The following CACNA1E variants were observed in gnomAD, a reference collection of about 807,000 sequenced individuals.
The protein encoded by CACNA1E is calcium voltage-gated channel subunit alpha1 E, also known as voltage-dependent R-type calcium channel subunit alpha-1E.
Under a neutral mutation model 259.2 loss-of-function variants are expected in CACNA1E, and 40 were observed. That is an observed-to-expected ratio of 0.15 (90% CI 0.12 to 0.20). The LOEUF (loss-of-function observed/expected upper bound fraction) is 0.20, where lower values mean the gene tolerates loss of function less well. Ranked by LOEUF, CACNA1E falls within the 10% of genes least tolerant of loss-of-function variation. The pLI is 1.00. For missense variants in CACNA1E, 1,874 were observed against 3,040.1 expected (o/e 0.62, Z 9.02); for synonymous variants, 1,104 against 1,138.5 (o/e 0.97, Z 0.61).
intron 3 of CACNA1E, among the ~76,000 whole-genome samples, chr1:181,520,773 A>G (rs1419113602): frequency 6.6e-6 from 1 of 152,212 alleles, no homozygotes; most frequent in Non-Finnish European, 1.5e-5. Flanking sequence ...GTAAAAGTTG[A>G]AACAAAGGCC....
chr1:181,766,796 T>G (rs527561540), intron 35 of CACNA1E, among the ~76,000 whole-genome samples, 185 bp downstream of exon 35: 2 of 152,310 alleles, frequency 1.3e-5, no homozygotes, highest in South Asian at 2.1e-4. Context: ...CCATTTTAGC[T>G]TGCCTAAGTA....
At chr1:181,463,342 T>C (rs1442114488) in intron 2 of CACNA1E, among the ~76,000 whole-genome samples, 1 of 152,094 alleles carries the variant, frequency 6.6e-6, no homozygotes, top group Non-Finnish European at 1.5e-5. Flanking sequence ...TGACTGAGGG[T>C]AATGGAAAGT....
chr1:181,417,966 A>ATT (rs1028942370), intron 2 of CACNA1E, among the ~76,000 whole-genome samples: 1 of 149,848 alleles, frequency 6.7e-6, no homozygotes, highest in Non-Finnish European at 1.5e-5. Context: ...TTCTGTCTCC[A>ATT]TTTTTTTTTC....
At chr1:181,510,684 G>T in intron 2 of CACNA1E, 102 bp downstream of exon 2, 2 of 766,192 alleles carry the variant, frequency 2.6e-6, no homozygotes, top group South Asian at 3.1e-5. Context: ...TGTGAGTTCT[G>T]GGAGGAGTTT....
intron 43 of CACNA1E, among the ~76,000 whole-genome samples, chr1:181,788,998 G>A (rs564311917): frequency 1.3e-5 from 2 of 151,262 alleles, no homozygotes; most frequent in South Asian, 4.2e-4. Context: ...CTGTGCAGCT[G>A]GGACCACCCC....
chr1:181,493,755 A>G (rs1664509084), intron 1 of CACNA1E, among the ~76,000 whole-genome samples: 1 of 152,222 alleles, frequency 6.6e-6, no homozygotes. Context: ...TTAAATAGCC[A>G]CATATGGCTA....
rs114123860 is a variant in CACNA1E at position 181,475,778 on chromosome 1, C to T, written c.435-7966C>T. Reference sequence around the variant, plus strand: ...GCTTGCTTTGAAGGATTTACAATGACGTCACTTTTACACATATTGAGTCTG... The same window carrying T: ...GCTTGCTTTGAAGGATTTACAATGATGTCACTTTTACACATATTGAGTCTG... On this transcript the variant is annotated intron_variant, in intron 2 of 11. Coordinates refer to the CACNA1E transcript ENST00000524607. Among the ~76,000 whole-genome samples the T allele has an allele frequency of 5.8e-3, 883 of 152,220 alleles. 10 individuals carry two copies. Among genetic ancestry groups the T allele is most frequent in the African/African-American group, 0.02 (829 of 41,526 alleles).
At chr1:181,642,401 A>G (rs568451848) in intron 6 of CACNA1E, among the ~76,000 whole-genome samples, 5 of 152,276 alleles carry the variant, frequency 3.3e-5, no homozygotes, top group African/African-American at 9.6e-5. Flanking sequence ...ACCATAGGAC[A>G]AAGTGGAGAA....
At chr1:181,431,233 C>T (rs1385284196) in intron 2 of CACNA1E, among the ~76,000 whole-genome samples, 1 of 152,024 alleles carries the variant, frequency 6.6e-6, no homozygotes, top group Non-Finnish European at 1.5e-5. Flanking sequence ...GCTGAAATTG[C>T]GGAGTGAGTT....
intron 1 of CACNA1E, among the ~76,000 whole-genome samples, chr1:181,490,312 C>T (rs979156487): frequency 6.6e-6 from 1 of 152,022 alleles, no homozygotes; most frequent in African/African-American, 2.4e-5. Flanking sequence ...TAGGAGCTTC[C>T]TTTATTGTAT....
At chr1:181,441,014 A>T (rs1223634674) in intron 2 of CACNA1E, among the ~76,000 whole-genome samples, 1 of 134,744 alleles carries the variant, frequency 7.4e-6, no homozygotes, top group Non-Finnish European at 1.6e-5. Context: ...AAAAAAAAAA[A>T]AAAAAGCGCC....
chr1:181,453,231 G>A lies in CACNA1E; in HGVS notation c.435-30513G>A, dbSNP rs147347961. On this transcript the variant is annotated intron_variant, in intron 2 of 11. Transcript: ENST00000524607. Reference sequence around the variant, plus strand: ...GAGATTAAAGACAAAGGGCCCAGGGGCAAAGGAAATAATTTTGTTTCCTAA... The same window carrying A: ...GAGATTAAAGACAAAGGGCCCAGGGACAAAGGAAATAATTTTGTTTCCTAA... 3.7e-3 allele frequency among the ~76,000 whole-genome samples: 565 copies of A among 152,316 alleles called. 1 individual carries two copies. The highest frequency in any genetic ancestry group is 5.9e-3 in the Non-Finnish European group (402 of 68,028).
At chr1:181,334,933 C>T (rs1253763531) in intron 1 of CACNA1E, among the ~76,000 whole-genome samples, 1 of 152,172 alleles carries the variant, frequency 6.6e-6, no homozygotes, top group African/African-American at 2.4e-5. Context: ...CGCTTATCTC[C>T]CTGGACTGTC....
At chr1:181,384,017 T>G (rs1655656129) in intron 1 of CACNA1E, among the ~76,000 whole-genome samples, 2 of 152,238 alleles carry the variant, frequency 1.3e-5, no homozygotes, top group South Asian at 4.1e-4. Context: ...GCGCTGGAAA[T>G]GGAGCGAATG....
chr1:181,352,489 A>G (rs1653113929), intron 1 of CACNA1E, among the ~76,000 whole-genome samples: 1 of 152,262 alleles, frequency 6.6e-6, no homozygotes, highest in African/African-American at 2.4e-5. Context: ...GATCTGTCAA[A>G]GAAGCCATAA....
intron 2 of CACNA1E, among the ~76,000 whole-genome samples, chr1:181,416,464 A>C (rs1658282838): frequency 6.6e-6 from 1 of 152,208 alleles, no homozygotes; most frequent in African/African-American, 2.4e-5. Flanking sequence ...TGTAAGCCAA[A>C]GAATGTAGTC....
intron 7 of CACNA1E, among the ~76,000 whole-genome samples, chr1:181,689,569 G>A (rs994836708): frequency 1.3e-5 from 2 of 152,104 alleles, no homozygotes; most frequent in Non-Finnish European, 2.9e-5. Context: ...TCTTCCACAA[G>A]AATTGAACTA....
chr1:181,484,137 C>T, intron 1 of CACNA1E, 127 bp downstream of exon 1: 1 of 912,724 alleles, frequency 1.1e-6, no homozygotes, highest in Non-Finnish European at 1.8e-6. Context: ...CTGAAGCACA[C>T]TCTTCGGTGC....
intron 6 of CACNA1E, among the ~76,000 whole-genome samples, chr1:181,628,019 T>C (rs1036002488): frequency 1.1e-4 from 16 of 152,238 alleles, no homozygotes; most frequent in African/African-American, 3.9e-4. Context: ...GTCATATTTT[T>C]TAAAAGCGAA....
Sources: gnomAD v4.1 joint callset for allele counts (sites outside exome capture counted in the v4.1 genomes callset) on GRCh38, gnomAD v4.1.1 for gene constraint, MANE v1.5 for transcripts, NCBI Gene and HGNC (gene_info 2026-07-23, HGNC 2026-07-21) for gene names.